FADS3: variants seen among roughly 807,000 people sequenced by gnomAD.
FADS3 encodes the protein cytochrome b5-related protein.
Under a neutral mutation model 60.4 loss-of-function variants are expected in FADS3, and 30 were observed. The observed-to-expected ratio is 0.50, with a 90% CI of 0.37 to 0.67. FADS3 has a LOEUF of 0.67. FADS3 is among the 30% of genes least tolerant of loss of function. FADS3 has a pLI of 0.00. For missense variants in FADS3, 432 were observed against 598.3 expected, an observed-to-expected ratio of 0.72 and a Z score of 2.90; for synonymous variants, 234 against 249.3, an observed-to-expected ratio of 0.94 and a Z score of 0.58.
Position 61,891,239 on chromosome 11 carries a change from A to G in FADS3, c.143T>C (p.Ile48Thr), listed in dbSNP as rs915448419. ...TGGGTGCCGCTGTGCCCAGCGGCTG[A>G]TGTCGTAGACGCGGCGCTCGATGAC... Reference protein sequence around the residue: ...WLVIERRVYDISRWAQRHPGG... With the variant: ...WLVIERRVYDTSRWAQRHPGG... The change falls in exon 1 of 12, where the codon ATC becomes ACC. Residue 48 changes from isoleucine (I) to threonine (T), a missense_variant. Coordinates refer to ENST00000278829, the MANE Select transcript of FADS3 (RefSeq NM_021727.5). 1.9e-6 allele frequency: 3 copies of G among 1,549,344 alleles called. No homozygotes were observed. The highest frequency in any genetic ancestry group is 2.6e-6 in the Non-Finnish European group (3 of 1,148,928).
chr11:61,884,192 G>T (rs999708376), intron 1 of FADS3, among the ~76,000 whole-genome samples: 1 of 152,190 alleles, frequency 6.6e-6, no homozygotes, highest in Non-Finnish European at 1.5e-5. Flanking sequence ...AGGTCACACA[G>T]TTCCATTTGA....
chr11:61,882,202 C>T (rs775345483), intron 1 of FADS3: 15 of 150,764 alleles, frequency 9.9e-5, no homozygotes, highest in Non-Finnish European at 2.1e-4. Context: ...CCTCAACCTC[C>T]CGGGCTCAGG....
rs922176163 is a variant in FADS3 at position 61,877,768 on chromosome 11, CCCCACCACCT to C, written c.809-191_809-182del. ...TCCAAGCCTCCCCAGGCTGCCCTTACCCCACCACCTCCCACCACCCTTCACCGCAAGTCAG... is the reference window on the plus strand; with the variant it reads ...TCCAAGCCTCCCCAGGCTGCCCTTACCCCACCACCCTTCACCGCAAGTCAG... On this transcript the variant is annotated intron_variant, in intron 6 of 11. Coordinates refer to ENST00000278829, the MANE Select transcript of FADS3 (RefSeq NM_021727.5). This position sits in a 1 kb window ranked among gnomAD's most constrained non-coding sequence, Gnocchi z 4.7. The C allele has an allele frequency of 1.8e-5, 11 of 627,546 alleles. No homozygotes were observed. The African/African-American group carries it at 1.8e-4, about 10-fold the overall frequency. 38.9% of individuals were successfully genotyped at this position (627,546 alleles called of 1,614,324 possible). A position where few individuals can be genotyped will look rare whatever the true frequency, so the allele number is the denominator to read the frequency against.
Position 61,876,131 on chromosome 11 carries a change from G to C in FADS3, c.1140C>G (p.Leu380=). Residue 380 remains leucine (L), a synonymous_variant, in exon 10 of 12, where the codon CTC becomes CTG. Coordinates refer to ENST00000278829, the MANE Select transcript of FADS3 (RefSeq NM_021727.5). The surrounding 1 kb of genome is among the most constrained non-coding windows in gnomAD (Gnocchi z 5.7). ...SLFTNWFSGH[L]NFQIEHHLFP... is the part of the protein sequence containing the mutation. ...CTCACTGGTGCTCGATCTGGAAGTTGAGGTGCCCGCTGAACCAGTTGGTGA... is the reference window on the plus strand; with the variant it reads ...CTCACTGGTGCTCGATCTGGAAGTTCAGGTGCCCGCTGAACCAGTTGGTGA... The C allele has an allele frequency of 6.3e-7, 1 of 1,591,274 alleles. No individual in the cohort carries two copies. The highest frequency in any genetic ancestry group is 8.6e-7 in the Non-Finnish European group (1 of 1,167,902).
intron 11 of FADS3, among the ~76,000 whole-genome samples, chr11:61,875,403 T>G (rs1157239638): frequency 1.9e-4 from 28 of 148,668 alleles, no homozygotes; most frequent in East Asian, 7.8e-4. Flanking sequence ...TTTTTTTTTT[T>G]TTTTTTTTTA....
intron 1 of FADS3, 141 bp from the exon 2 acceptor site, chr11:61,880,292 A>G (rs918712953): frequency 4.7e-6 from 3 of 643,386 alleles, no homozygotes; most frequent in Non-Finnish European, 8.1e-6. Flanking sequence ...GCTGATGAAC[A>G]GTCAAAGACA....
In FADS3 at chr11:61,876,455, C is replaced by G. The variant is rs781658214; in HGVS notation, c.984G>C (p.Arg328Ser). Residue 328 changes from arginine to serine, a missense_variant and splice_region_variant, in exon 9 of 12, where the codon AGG becomes AGC. Arg to Ser is a moderately radical substitution (Grantham distance 110). Around this residue, in one of 5 missense-constraint regions of FADS3, gnomAD observed 48 missense variants for 101.3 expected, o/e 0.47. Transcript: ENST00000278829. This position sits in a 1 kb window ranked among gnomAD's most constrained non-coding sequence, Gnocchi z 5.7. Reference sequence around the variant, plus strand: ...ACACGAACCAGTGGCTTTCCAGGACCCTGTGGGGAGGCTCGGGCACTGCCC... The same window carrying G: ...ACACGAACCAGTGGCTTTCCAGGACGCTGTGGGGAGGCTCGGGCACTGCCC... ...PGVLLFFVAV[R>S]VLESHWFVWI... 6.2e-7 allele frequency: 1 copy of G among 1,613,288 alleles called. No individual in the cohort carries two copies. Among genetic ancestry groups the G allele is most frequent in the East Asian group, 2.2e-5 (1 of 44,854 alleles).
At chr11:61,890,937 C>A (rs1008948394) in intron 1 of FADS3, among the ~76,000 whole-genome samples, 2 of 152,230 alleles carry the variant, frequency 1.3e-5, no homozygotes, top group Non-Finnish European at 2.9e-5. Context: ...CCCCCTCCTC[C>A]CCCGCAGACC....
chr11:61,891,610 C>T (rs1003451060), upstream of FADS3: 4 of 180,340 alleles, frequency 2.2e-5, no homozygotes, highest in Admixed American at 2.5e-4. Context: ...CGCCTGCCCC[C>T]CCGCCCCCGG....
chr11:61,874,992 T>C (rs1452550124), intron 11 of FADS3, among the ~76,000 whole-genome samples: 1 of 152,212 alleles, frequency 6.6e-6, no homozygotes, highest in Non-Finnish European at 1.5e-5. Flanking sequence ...GGCAATGCCA[T>C]CTTCAAGCAA....
chr11:61,880,198 A>G (rs1298422235), intron 1 of FADS3, 47 bp from the exon 2 acceptor site: 1 of 1,495,028 alleles, frequency 6.7e-7, no homozygotes, highest in African/African-American at 1.4e-5. Context: ...ACAGCTGAGT[A>G]GCACAGCGGC....
intron 1 of FADS3, among the ~76,000 whole-genome samples, chr11:61,889,871 T>TA (rs754217649): frequency 5.9e-5 from 9 of 152,202 alleles, no homozygotes; most frequent in East Asian, 1.9e-4. Context: ...GATACTTTTT[T>TA]AGAAAAAGAC....
At chr11:61,875,026 A>G (rs990655169) in intron 11 of FADS3, among the ~76,000 whole-genome samples, 62 of 151,908 alleles carry the variant, frequency 4.1e-4, no homozygotes, top group Non-Finnish European at 1.0e-4. Flanking sequence ...CCGATGCTTG[A>G]CCCTGAATGC....
At chr11:61,891,654 C>T (rs1591206339), upstream of FADS3, 1 of 160,514 alleles carries the variant, frequency 6.2e-6, no homozygotes, top group Non-Finnish European at 1.4e-5. Flanking sequence ...GCTGACCCCC[C>T]GCGTCCGCTC....
chr11:61,887,383 C>T (rs1938352582), intron 1 of FADS3, among the ~76,000 whole-genome samples: 1 of 152,194 alleles, frequency 6.6e-6, no homozygotes, highest in African/African-American at 2.4e-5. Context: ...CCTTCTCTTA[C>T]CCTTCTGGAA....
Position 61,877,694 on chromosome 11 carries a change from G to T in FADS3, c.809-107C>A, listed in dbSNP as rs907852301. 6.0e-5 allele frequency: 61 copies of T among 1,022,856 alleles called. No individual in the cohort carries two copies. Among genetic ancestry groups the T allele is most frequent in the African/African-American group, 2.4e-4 (15 of 62,344 alleles). The allele number at this position is 1,022,856 out of a possible 1,614,324, so 63.4% of individuals were successfully genotyped here. The stretch of plus-strand genomic sequence containing the variant: ...CTCCAGGAATGCCCCTGGGACGTTG[G>T]TGCTGGTCACATCCAGCTGAATGAC... On this transcript the variant is annotated intron_variant, in intron 6 of 11. Coordinates refer to ENST00000278829, the MANE Select transcript of FADS3 (RefSeq NM_021727.5). This position sits in a 1 kb window ranked among gnomAD's most constrained non-coding sequence, Gnocchi z 4.7.
At chr11:61,887,258 A>T (rs1432952147) in intron 1 of FADS3, among the ~76,000 whole-genome samples, 1 of 152,224 alleles carries the variant, frequency 6.6e-6, no homozygotes, top group African/African-American at 2.4e-5. Context: ...TAATGTGTCT[A>T]ATGGCTCTCA....
At position 61,876,701 on chromosome 11, in the gene FADS3, C is replaced by T. The variant is rs1480866630; in HGVS notation, c.983+165G>A. On this transcript the variant is annotated intron_variant, in intron 8 of 11. Transcript: ENST00000278829. The surrounding 1 kb of genome is among the most constrained non-coding windows in gnomAD (Gnocchi z 5.7). ...GCCAGGCCACGCTCCCTAAACCCAC[C>T]GACCCTGGGCTCCTGCCACGCTTGT... 3 of 721,038 alleles carry T rather than the reference C, an allele frequency of 4.2e-6. No homozygotes were observed. The highest frequency in any genetic ancestry group is 7.2e-6 in the Non-Finnish European group (3 of 415,216). 44.7% of individuals were successfully genotyped at this position (721,038 alleles called of 1,614,324 possible). A position where few individuals can be genotyped will look rare whatever the true frequency, so the allele number is the denominator to read the frequency against.
chr11:61,890,936 C>G (rs1267659227), intron 1 of FADS3, among the ~76,000 whole-genome samples: 1 of 152,222 alleles, frequency 6.6e-6, no homozygotes, highest in Admixed American at 6.5e-5. Context: ...GCCCCCTCCT[C>G]CCCCGCAGAC....
Sources: gnomAD v4.1 joint callset for allele counts (sites outside exome capture counted in the v4.1 genomes callset) on GRCh38, gnomAD v4.1.1 for gene constraint, gnomAD v4.1.1 regional missense constraint, Gnocchi (gnomAD v3.1) non-coding constraint, MANE v1.5 for transcripts, NCBI Gene and HGNC (gene_info 2026-07-23, HGNC 2026-07-21) for gene names.